DLC1: variants seen among roughly 807,000 people sequenced by gnomAD.
DLC1 encodes the protein DLC1 Rho GTPase activating protein.
A neutral mutation model predicts 140.3 loss-of-function variants in DLC1; 54 were observed. The observed-to-expected ratio is 0.38, with a 90% confidence interval of 0.31 to 0.48. The LOEUF (loss-of-function observed/expected upper bound fraction) is 0.48. DLC1 is among the 20% of genes least tolerant of loss of function. DLC1 has a pLI of 0.96. For missense variants in DLC1, 2,536 were observed against 1,907.0 expected (o/e 1.33, Z -6.14); for synonymous variants, 986 against 728.1 (o/e 1.35, Z -5.70).
At chr8:13,374,161 G>C (rs1353482956) in intron 4 of DLC1, among the ~76,000 whole-genome samples, 1 of 152,112 alleles carries the variant, frequency 6.6e-6, no homozygotes, top group South Asian at 2.1e-4. Context: ...TCTTGAAATA[G>C]GTCTCAGAAT....
At chr8:13,245,750 G>C (rs1175130945) in intron 5 of DLC1, among the ~76,000 whole-genome samples, 2 of 151,938 alleles carry the variant, frequency 1.3e-5, no homozygotes, top group Non-Finnish European at 1.5e-5. Context: ...ACCCAGGCTG[G>C]AGTGCAGTGG....
chr8:13,506,566 C>CGTGTGT (rs747964779), intron 1 of DLC1, among the ~76,000 whole-genome samples: 18 of 10,534 alleles, frequency 1.7e-3, no homozygotes, highest in African/African-American at 2.4e-3. Flanking sequence ...CACACACACA[C>CGTGTGT]ATGTGTGTGT....
chr8:13,132,441 A>AT (rs1822184465), intron 5 of DLC1, among the ~76,000 whole-genome samples: 1 of 152,038 alleles, frequency 6.6e-6, no homozygotes, highest in African/African-American at 2.4e-5. Context: ...AAAAAAAAAA[A>AT]TTTCCAAGCG....
intron 2 of DLC1, among the ~76,000 whole-genome samples, chr8:13,490,720 A>C (rs1801195283): frequency 6.6e-6 from 1 of 152,206 alleles, no homozygotes. Flanking sequence ...CCTCCAATGC[A>C]CAATTGGCTC....
rs145646504 is a variant in DLC1 at position 13,100,510 on chromosome 8, G to C, written c.1827C>G (p.Pro609=). The part of the protein sequence containing the change: ...STGSLPSHAP[P]SEDAATPRTN... Reference sequence around the variant, plus strand: ...TCCGGGGGGTGGCAGCATCCTCGCTGGGGGGCGCGTGGCTGGGGAGGCTGC... The same window carrying C: ...TCCGGGGGGTGGCAGCATCCTCGCTCGGGGGCGCGTGGCTGGGGAGGCTGC... The change falls in exon 9 of 18, where the codon CCC becomes CCG. Residue 609 remains proline, a synonymous_variant. Transcript: ENST00000276297. The C allele has an allele frequency of 1.2e-6, 2 of 1,612,366 alleles. No individual in the cohort carries two copies. The highest frequency in any genetic ancestry group is 2.2e-5 in the East Asian group (1 of 44,868).
intron 5 of DLC1, among the ~76,000 whole-genome samples, chr8:13,126,401 G>A (rs1021725558): frequency 4.5e-5 from 5 of 112,214 alleles, no homozygotes; most frequent in Admixed American, 1.8e-4. Flanking sequence ...ACACACACAC[G>A]TGTACGTATT....
chr8:13,292,528 C>T (rs1269898749), intron 5 of DLC1, among the ~76,000 whole-genome samples: 1 of 152,180 alleles, frequency 6.6e-6, no homozygotes, highest in African/African-American at 2.4e-5. Flanking sequence ...GCCTTAATGT[C>T]CCCCTTTGGG....
chr8:13,127,361 C>T (rs1057289966), intron 5 of DLC1, among the ~76,000 whole-genome samples: 1 of 152,192 alleles, frequency 6.6e-6, no homozygotes, highest in Non-Finnish European at 1.5e-5. Flanking sequence ...TGCATCTCAG[C>T]CGCCCCTCAG....
intron 5 of DLC1, among the ~76,000 whole-genome samples, chr8:13,192,019 G>A (rs2117029219): frequency 6.6e-6 from 1 of 151,286 alleles, no homozygotes; most frequent in East Asian, 1.9e-4. Flanking sequence ...TCGGCTCACT[G>A]CAGCCTCTGC....
intron 4 of DLC1, among the ~76,000 whole-genome samples, chr8:13,369,272 ACTT>A (rs1161403002): frequency 6.7e-6 from 1 of 148,698 alleles, no homozygotes; most frequent in African/African-American, 2.5e-5. Flanking sequence ...ATTTGGTTGA[ACTT>A]CTAATAGATT....
intron 2 of DLC1, among the ~76,000 whole-genome samples, chr8:13,443,673 A>G (rs1306708754): frequency 6.6e-6 from 1 of 151,370 alleles, no homozygotes; most frequent in Non-Finnish European, 1.5e-5. Flanking sequence ...AAAAAAAAAA[A>G]AAGAAAAAGA....
At chr8:13,527,403 A>G (rs1802950093) in intron 1 of DLC1, among the ~76,000 whole-genome samples, 2 of 152,076 alleles carry the variant, frequency 1.3e-5, no homozygotes, top group Admixed American at 6.6e-5. Flanking sequence ...TCATTGATTA[A>G]TTTTTGAATG....
rs756184021 is a variant in DLC1, at chr8:13,091,311, T to G, written c.3855+7A>C. On this transcript the variant is annotated splice_region_variant and intron_variant, in intron 14 of 17. Coordinates refer to ENST00000276297, the MANE Select transcript of DLC1 (RefSeq NM_182643.3). ...TAATAAAGGAGCCAAACTTCTCAAT[T>G]CCTTACCTGGAAAAGCTTCTTGCAC... 3.1e-6 allele frequency: 5 copies of G among 1,613,788 alleles called. No homozygotes were observed. Among genetic ancestry groups the G allele is most frequent in the Non-Finnish European group, 4.2e-6 (5 of 1,179,884 alleles).
At chr8:13,325,571 C>T (rs946717017) in intron 4 of DLC1, among the ~76,000 whole-genome samples, 2 of 152,088 alleles carry the variant, frequency 1.3e-5, no homozygotes, top group African/African-American at 4.8e-5. Context: ...AAGGCAGAGA[C>T]ATAAACAAAG....
chr8:13,335,977 T>C (rs1173724028), intron 4 of DLC1, among the ~76,000 whole-genome samples: 1 of 152,168 alleles, frequency 6.6e-6, no homozygotes, highest in East Asian at 1.9e-4. Context: ...AATTATGTAA[T>C]ATTTTCACTT....
intron 1 of DLC1, among the ~76,000 whole-genome samples, chr8:13,534,891 C>T (rs546477074): frequency 4.9e-4 from 75 of 152,246 alleles, no homozygotes; most frequent in African/African-American, 1.8e-3. Flanking sequence ...TTTTGCTGAC[C>T]ATCACATCTG....
At chr8:13,529,331 G>A (rs973836654) in intron 1 of DLC1, among the ~76,000 whole-genome samples, 12 of 152,066 alleles carry the variant, frequency 7.9e-5, no homozygotes, top group Admixed American at 3.3e-4. Flanking sequence ...TCTATAATTA[G>A]ACATGCATTA....
chr8:13,460,914 T>A (rs1184793205), intron 2 of DLC1, among the ~76,000 whole-genome samples: 2 of 152,142 alleles, frequency 1.3e-5, no homozygotes, highest in Non-Finnish European at 2.9e-5. Flanking sequence ...GTCCTGTGCG[T>A]GTAAAAATAT....
At chr8:13,330,925 C>T (rs1833560749) in intron 4 of DLC1, among the ~76,000 whole-genome samples, 3 of 152,014 alleles carry the variant, frequency 2.0e-5, no homozygotes, top group Admixed American at 2.0e-4. Context: ...TGTTTACACA[C>T]TTGAAATTAG....
Sources: gnomAD v4.1 joint callset for allele counts (sites outside exome capture counted in the v4.1 genomes callset) on GRCh38, gnomAD v4.1.1 for gene constraint, MANE v1.5 for transcripts, NCBI Gene and HGNC (gene_info 2026-07-23, HGNC 2026-07-21) for gene names.